Variants in EIF4ENIF1 observed in about 807,000 individuals in gnomAD.
EIF4ENIF1 encodes the protein eukaryotic translation initiation factor 4E nuclear import factor 1.
In EIF4ENIF1, 23 loss-of-function variants were observed where a neutral mutation model predicts 110.5. The ratio of observed to expected loss-of-function variants is 0.21; its 90% confidence interval spans 0.15 to 0.29. EIF4ENIF1 has a LOEUF of 0.29. Ranked by LOEUF, EIF4ENIF1 falls within the 10% of genes least tolerant of loss-of-function variation. The pLI, the probability that EIF4ENIF1 is intolerant of heterozygous loss-of-function variation, is 1.00. For synonymous variants in EIF4ENIF1, 440 were observed against 437.0 expected (o/e 1.01, Z -0.09); for missense variants, 1,031 against 1,221.1 (o/e 0.84, Z 2.32).
chr22:31,477,558 A>T (rs1378784512), intron 2 of EIF4ENIF1, among the ~76,000 whole-genome samples: 1 of 152,160 alleles, frequency 6.6e-6, no homozygotes, highest in Non-Finnish European at 1.5e-5. Flanking sequence ...TTCGTTGTTG[A>T]CTTTACATGC....
At chr22:31,447,647 G>A (rs994437394) in intron 13 of EIF4ENIF1, 82 bp from the exon 14 acceptor site, 4 of 1,462,490 alleles carry the variant, frequency 2.7e-6, no homozygotes, top group Non-Finnish European at 3.6e-6. Context: ...CTCTTAGAAA[G>A]GTATGTTAAG....
chr22:31,470,358 G>A (rs1206598136), intron 3 of EIF4ENIF1, among the ~76,000 whole-genome samples: 2 of 150,446 alleles, frequency 1.3e-5, no homozygotes, highest in South Asian at 2.1e-4. Context: ...TAGGATCAAC[G>A]CAACCTCCAC....
intron 6 of EIF4ENIF1, among the ~76,000 whole-genome samples, chr22:31,462,308 C>A (rs1305942716): frequency 6.6e-6 from 1 of 151,872 alleles, no homozygotes; most frequent in Non-Finnish European, 1.5e-5. Flanking sequence ...ATGGTGAAAC[C>A]CCATCTCTAC....
intron 4 of EIF4ENIF1, among the ~76,000 whole-genome samples, chr22:31,465,798 A>G (rs1025603742): frequency 6.6e-5 from 10 of 152,244 alleles, no homozygotes; most frequent in Non-Finnish European, 1.5e-4. Context: ...AAACGGATCA[A>G]CTGCTAAATC....
At chr22:31,479,084 A>ATTT (rs745430447) in intron 2 of EIF4ENIF1, among the ~76,000 whole-genome samples, 2 of 144,368 alleles carry the variant, frequency 1.4e-5, no homozygotes, top group Non-Finnish European at 1.5e-5. Flanking sequence ...CTCGAAAGAA[A>ATTT]TTTTTTTTTT....
At chr22:31,443,955 C>T (rs993322334) in intron 15 of EIF4ENIF1, among the ~76,000 whole-genome samples, 2 of 151,926 alleles carry the variant, frequency 1.3e-5, no homozygotes, top group African/African-American at 2.4e-5. Context: ...CACCACCATG[C>T]CCGACTAATT....
downstream of EIF4ENIF1, among the ~76,000 whole-genome samples, chr22:31,438,274 G>C (rs2050202402): frequency 6.6e-6 from 1 of 152,212 alleles, no homozygotes; most frequent in African/African-American, 2.4e-5. Context: ...AAAACCTCCA[G>C]TTAGGAAAGG....
At chr22:31,458,037 G>T (rs2050881100) in intron 7 of EIF4ENIF1, among the ~76,000 whole-genome samples, 1 of 152,044 alleles carries the variant, frequency 6.6e-6, no homozygotes, top group South Asian at 2.1e-4. Flanking sequence ...AGACCCGTCT[G>T]GCCAACATAG....
Position 31,440,749 on chromosome 22 carries a change from T to C in EIF4ENIF1, c.2671A>G (p.Thr891Ala). ...SHPLLNPRPGTPLHLAMVQQQ... is the reference protein window; with the variant it reads ...SHPLLNPRPGAPLHLAMVQQQ... The stretch of plus-strand genomic sequence containing the variant: ...TGCACCATTGCCAGATGCAGAGGTG[T>C]TCCAGGACGAGGGTTTAAGAGAGGG... The change falls in exon 18 of 19, where the codon ACA (threonine) becomes GCA (alanine). Residue 891 changes from threonine (T) to alanine (A), a missense_variant. Physicochemically the swap from Thr to Ala is moderately conservative, Grantham distance 58. This residue lies in a region of EIF4ENIF1 where 309 missense variants were observed against 299.1 expected (regional missense o/e 1.03). Transcript: ENST00000330125. The C allele has an allele frequency of 6.2e-7, 1 of 1,613,942 alleles. No homozygotes were observed. Among genetic ancestry groups the C allele is most frequent in the Non-Finnish European group, 8.5e-7 (1 of 1,179,868 alleles).
intron 4 of EIF4ENIF1, among the ~76,000 whole-genome samples, chr22:31,465,427 A>C (rs1428924213): frequency 1.3e-5 from 2 of 152,156 alleles, no homozygotes; most frequent in African/African-American, 2.4e-5. Context: ...ATATGAAAAG[A>C]TACTCAACAT....
At chr22:31,466,747 C>T (rs530983044) in intron 4 of EIF4ENIF1, among the ~76,000 whole-genome samples, 24 of 152,158 alleles carry the variant, frequency 1.6e-4, no homozygotes, top group Admixed American at 9.8e-4. Context: ...GGTATATACA[C>T]ATGTCAAGAC....
chr22:31,484,398 C>A (rs1369839410), intron 2 of EIF4ENIF1, among the ~76,000 whole-genome samples: 1 of 152,138 alleles, frequency 6.6e-6, no homozygotes, highest in Non-Finnish European at 1.5e-5. Flanking sequence ...CAACAAACTA[C>A]TAACATTATC....
At chr22:31,471,477 GC>G (rs2051377448) in intron 3 of EIF4ENIF1, among the ~76,000 whole-genome samples, 1 of 152,142 alleles carries the variant, frequency 6.6e-6, no homozygotes, top group Admixed American at 6.5e-5. Flanking sequence ...ACCACGCCTG[GC>G]TAATTTTTTG....
chr22:31,477,502 TAAG>T (rs2051633538), intron 2 of EIF4ENIF1, among the ~76,000 whole-genome samples: 2 of 152,198 alleles, frequency 1.3e-5, no homozygotes, highest in Admixed American at 1.3e-4. Context: ...TACTCTCAGT[TAAG>T]AAGAGTTAAC....
Position 31,484,129 on chromosome 22 carries a change from G to A in EIF4ENIF1, c.96+4494C>T, listed in dbSNP as rs187863939. 2.0e-5 allele frequency among the ~76,000 whole-genome samples: 3 copies of A among 152,264 alleles called. No homozygotes were observed. In the East Asian group the frequency reaches 5.8e-4, roughly 29 times the overall value. ...AGCCTTGATACTTAAAGTATAGTCA[G>A]TGGACCAGCAGCATGTGCACCACTT... On this transcript the variant is annotated intron_variant, in intron 2 of 18. Transcript: ENST00000330125.
At chr22:31,484,475 G>A (rs1239430328) in intron 2 of EIF4ENIF1, among the ~76,000 whole-genome samples, 2 of 151,634 alleles carry the variant, frequency 1.3e-5, no homozygotes, top group South Asian at 2.1e-4. Context: ...TCTGGCCAAC[G>A]TGTTTTTTTG....
In EIF4ENIF1 at chr22:31,463,782, A is replaced by G; in HGVS notation, c.484T>C (p.Ser162Pro). ...GRRIGSGRII[S>P]ARTFEKDHRL... is the part of the protein sequence containing the mutation. ...TGATCCTTCTCAAAGGTCCGGGCAG[A>G]GATTATCCTCCCACTGCCAATCCTA... Residue 162 changes from serine (S) to proline (P), a missense_variant, in exon 5 of 19, where the codon TCT (serine) becomes CCT (proline). Around this residue, in one of 3 missense-constraint regions of EIF4ENIF1, gnomAD observed 704 missense variants for 879.7 expected, o/e 0.80. Coordinates refer to ENST00000330125, the MANE Select transcript of EIF4ENIF1 (RefSeq NM_019843.4). The G allele has an allele frequency of 6.2e-7, 1 of 1,613,930 alleles. No homozygotes were observed. Among genetic ancestry groups the G allele is most frequent in the Non-Finnish European group, 8.5e-7 (1 of 1,179,992 alleles).
chr22:31,488,249 C>T (rs1158865354), intron 2 of EIF4ENIF1, among the ~76,000 whole-genome samples: 2 of 152,142 alleles, frequency 1.3e-5, no homozygotes, highest in Non-Finnish European at 2.9e-5. Flanking sequence ...CTTAAGGAAA[C>T]ATCAATACAG....
Position 31,439,737 on chromosome 22 carries a change from ACC to A in EIF4ENIF1, c.*141_*142del. Reference sequence around the variant, plus strand: ...TTAAGATCCTTCCATCATAATGCGGACCACACCAGATGCATGGGTTCCACCAA... The same window carrying A: ...TTAAGATCCTTCCATCATAATGCGGAACACCAGATGCATGGGTTCCACCAA... On this transcript the variant is annotated 3_prime_UTR_variant, in exon 19 of 19. Transcript: ENST00000330125. 1 of 1,181,526 alleles carries A rather than the reference ACC, an allele frequency of 8.5e-7. No homozygotes were observed. Among genetic ancestry groups the A allele is most frequent in the Non-Finnish European group, 1.2e-6 (1 of 860,178 alleles). 73.2% of individuals were successfully genotyped at this position (1,181,526 alleles called of 1,614,324 possible). A position where few individuals can be genotyped will look rare whatever the true frequency, so the allele number is the denominator to read the frequency against.
Sources: gnomAD v4.1 joint callset for allele counts (sites outside exome capture counted in the v4.1 genomes callset) on GRCh38, gnomAD v4.1.1 for gene constraint, gnomAD v4.1.1 regional missense constraint, MANE v1.5 for transcripts, NCBI Gene and HGNC (gene_info 2026-07-23, HGNC 2026-07-21) for gene names.